ARHGEF4: variants seen among roughly 807,000 people sequenced by gnomAD.
ARHGEF4 encodes the protein Rho guanine nucleotide exchange factor 4.
A neutral mutation model predicts 162.0 loss-of-function variants in ARHGEF4; 119 were observed. The ratio of observed to expected loss-of-function variants is 0.73; its 90% CI spans 0.63 to 0.86. The LOEUF (loss-of-function observed/expected upper bound fraction) is 0.86. Ranked by LOEUF, ARHGEF4 falls within the 40% of genes least tolerant of loss-of-function variation. The pLI, the probability that ARHGEF4 is intolerant of heterozygous loss-of-function variation, is 0.00. For synonymous variants in ARHGEF4, 1,014 were observed against 979.9 expected, an observed-to-expected ratio of 1.03 and a Z score of -0.65; for missense variants, 2,488 against 2,456.0, an observed-to-expected ratio of 1.01 and a Z score of -0.28.
chr2:130,957,217 TAGA>T (rs1684340763), intron 4 of ARHGEF4, among the ~76,000 whole-genome samples: 1 of 151,446 alleles, frequency 6.6e-6, no homozygotes, highest in South Asian at 2.1e-4. Flanking sequence ...TTCCAAAAAG[TAGA>T]AGAGGAGGGA....
At chr2:131,004,584 G>C (rs900955194) in intron 4 of ARHGEF4, among the ~76,000 whole-genome samples, 1 of 152,026 alleles carries the variant, frequency 6.6e-6, no homozygotes, top group Non-Finnish European at 1.5e-5. Flanking sequence ...GGCAGAGTGC[G>C]GCCCTCCTTG....
chr2:131,028,452 C>A (rs1436411802), intron 5 of ARHGEF4, among the ~76,000 whole-genome samples: 6 of 152,188 alleles, frequency 3.9e-5, no homozygotes, highest in African/African-American at 1.4e-4. Context: ...GACCCCCCAA[C>A]CAGCCATCTG....
At chr2:130,905,761 T>G (rs747005747) in intron 1 of ARHGEF4, among the ~76,000 whole-genome samples, 39 of 152,218 alleles carry the variant, frequency 2.6e-4, no homozygotes, top group Non-Finnish European at 4.7e-4. Flanking sequence ...TTTTTATCAC[T>G]AGTTATTTTA....
intron 1 of ARHGEF4, among the ~76,000 whole-genome samples, chr2:130,907,208 C>CTTTT (rs70994720): frequency 9.2e-5 from 8 of 87,286 alleles, no homozygotes; most frequent in African/African-American, 1.5e-4. Context: ...TAGTTTGTCC[C>CTTTT]TTTTTTTTTT....
chr2:131,041,301 C>G lies in ARHGEF4; in HGVS notation c.4734C>G (p.Leu1578=), dbSNP rs1441517025. Residue 1578 remains leucine (L), a synonymous_variant, in exon 9 of 14, where the codon CTC becomes CTG. Transcript: ENST00000409359. ...ACGCCTGCGTGGAGCTCTCCCGGCT[C>G]ACCAAGCTCAGCAAGTACGTGTACT... ...HPNACVELSR[L]TKLSKYVYFF... The G allele has an allele frequency of 1.1e-5, 18 of 1,613,808 alleles. No individual in the cohort carries two copies. The highest frequency in any genetic ancestry group is 1.5e-5 in the Non-Finnish European group (18 of 1,180,038).
intron 4 of ARHGEF4, among the ~76,000 whole-genome samples, chr2:130,948,478 T>A (rs1683758431): frequency 6.6e-6 from 1 of 152,228 alleles, no homozygotes; most frequent in South Asian, 2.1e-4. Flanking sequence ...GGGAGAGGAA[T>A]CTTTCCAGAG....
chr2:130,985,483 C>G (rs536574530), intron 4 of ARHGEF4, among the ~76,000 whole-genome samples: 185 of 151,634 alleles, frequency 1.2e-3, no homozygotes, highest in African/African-American at 4.3e-3. Flanking sequence ...CCCTGACTGA[C>G]TAAAACTAGG....
chr2:130,856,147 G>A (rs1681767220), intron 1 of ARHGEF4, among the ~76,000 whole-genome samples: 1 of 152,166 alleles, frequency 6.6e-6, no homozygotes. Flanking sequence ...AGGTGTGATA[G>A]CAGTGTCTCT....
chr2:130,979,734 TAAAAAAAAAAAA>T (rs776769283), intron 4 of ARHGEF4, among the ~76,000 whole-genome samples: 2 of 92,720 alleles, frequency 2.2e-5, no homozygotes, highest in Admixed American at 1.4e-4. Context: ...AGACTCCATC[TAAAAAAAAAAAA>T]AAAAAAAAAA....
intron 5 of ARHGEF4, chr2:131,035,443 T>C: frequency 2.3e-6 from 1 of 433,228 alleles, no homozygotes. Flanking sequence ...GTGGCACGTG[T>C]GTCACAGGGT....
chr2:130,936,700 A>C (rs1254673655), intron 3 of ARHGEF4, among the ~76,000 whole-genome samples: 2 of 152,044 alleles, frequency 1.3e-5, no homozygotes, highest in Non-Finnish European at 2.9e-5. Flanking sequence ...GCTGATTTCA[A>C]GATTCACTTT....
At chr2:130,896,135 A>T (rs1040906229) in intron 1 of ARHGEF4, among the ~76,000 whole-genome samples, 19 of 152,116 alleles carry the variant, frequency 1.2e-4, no homozygotes, top group Non-Finnish European at 1.9e-4. Context: ...TTTTCCATTA[A>T]ATTGCCAGGT....
chr2:130,896,366 T>A (rs1295922339), intron 1 of ARHGEF4, among the ~76,000 whole-genome samples: 4 of 152,212 alleles, frequency 2.6e-5, no homozygotes, highest in Admixed American at 2.0e-4. Context: ...TCCTATTTGT[T>A]GTGGTCCAAG....
chr2:130,979,309 C>A (rs925898067), intron 4 of ARHGEF4, among the ~76,000 whole-genome samples: 1 of 152,194 alleles, frequency 6.6e-6, no homozygotes, highest in Non-Finnish European at 1.5e-5. Flanking sequence ...AAGCTAAACA[C>A]CACCTCAGAT....
At chr2:131,026,841 C>T (rs1039466233) in intron 4 of ARHGEF4, among the ~76,000 whole-genome samples, 1 of 152,138 alleles carries the variant, frequency 6.6e-6, no homozygotes, top group African/African-American at 2.4e-5. Flanking sequence ...GGGCCACACA[C>T]ACCTAGGCGT....
intron 1 of ARHGEF4, among the ~76,000 whole-genome samples, chr2:130,877,673 C>T (rs963167690): frequency 6.6e-6 from 1 of 152,144 alleles, no homozygotes; most frequent in African/African-American, 2.4e-5. Flanking sequence ...TATAAATAAT[C>T]ATGCCACCTT....
Position 130,914,546 on chromosome 2 carries a change from G to C in ARHGEF4, c.600G>C (p.Val200=), listed in dbSNP as rs535240224. 31 of 1,412,048 alleles carry C rather than the reference G, an allele frequency of 2.2e-5. 1 individual carries two copies. In the South Asian group the frequency reaches 5.0e-4, roughly 23 times the overall value. 87.5% of individuals were successfully genotyped at this position (1,412,048 alleles called of 1,614,324 possible). Reference sequence around the variant, plus strand: ...GTGGTCCTGAGCCAGTACAGGGGGTGGCTGTTCAAGACCTCAGAGGGCTCT... The same window carrying C: ...GTGGTCCTGAGCCAGTACAGGGGGTCGCTGTTCAAGACCTCAGAGGGCTCT... ...DSSGPEPVQG[V]AVQDLRGLSS... is the part of the protein sequence containing the mutation. Residue 200 remains valine (V), a synonymous_variant, in exon 2 of 14, where the codon GTG becomes GTC. Transcript: ENST00000409359.
chr2:130,929,090 T>C (rs906023323), intron 2 of ARHGEF4, among the ~76,000 whole-genome samples: 6 of 152,184 alleles, frequency 3.9e-5, no homozygotes, highest in African/African-American at 1.2e-4. Flanking sequence ...GCTGGGTGCC[T>C]CTGGGCAAGG....
rs748953942 is a variant in ARHGEF4, at chr2:131,038,969, CAG to C, written c.4247_4248del (p.Glu1416ValfsTer30). ...DVIEVMDATN[R>X]EWWWGRVADG... ...TCATCGAAGTGATGGATGCCACCAA[CAG>C]AGAGTGGTGGTGGGGCCGGGTCGCC... On this transcript the variant is annotated frameshift_variant, in exon 6 of 14. Coordinates refer to ENST00000409359, the MANE Select transcript of ARHGEF4 (RefSeq NM_001367493.1). LOFTEE classifies it high-confidence loss of function. 1.9e-6 allele frequency: 3 copies of C among 1,613,774 alleles called. No homozygotes were observed. Among genetic ancestry groups the C allele is most frequent in the East Asian group, 2.2e-5 (1 of 44,870 alleles).
Sources: allele counts gnomAD v4.1 joint callset (sites outside exome capture counted in the v4.1 genomes callset), GRCh38; gene constraint gnomAD v4.1.1; transcripts MANE v1.5; gene names NCBI Gene and HGNC (gene_info 2026-07-23, HGNC 2026-07-21).